ADAMTS20: variants seen among roughly 807,000 people sequenced by gnomAD.
The protein encoded by ADAMTS20 is ADAM metallopeptidase with thrombospondin type 1 motif 20, also known as A disintegrin and metalloproteinase with thrombospondin motifs 20.
A neutral mutation model predicts 260.1 loss-of-function variants in ADAMTS20; 225 were observed. That is an observed-to-expected ratio of 0.87 (90% confidence interval 0.78 to 0.97). The LOEUF (loss-of-function observed/expected upper bound fraction) is 0.97, where lower values mean the gene tolerates loss of function less well. Among genes scored for constraint, ADAMTS20 ranks in the 50% least tolerant of loss-of-function variants. The pLI is 0.00. For missense variants in ADAMTS20, 2,400 were observed against 2,337.7 expected, an observed-to-expected ratio of 1.03 and a Z score of -0.55; for synonymous variants, 802 against 769.5, an observed-to-expected ratio of 1.04 and a Z score of -0.70.
At chr12:43,425,829 T>C (rs1020151193) in intron 27 of ADAMTS20, 139 bp from the exon 28 acceptor site, 27 of 521,204 alleles carry the variant, frequency 5.2e-5, no homozygotes, top group African/African-American at 4.7e-4. Context: ...GTAATGTTAC[T>C]CTAGTAATGG....
At chr12:43,432,214 T>C (rs1941457931) in intron 21 of ADAMTS20, 90 bp downstream of exon 21, 1 of 1,326,234 alleles carries the variant, frequency 7.5e-7, no homozygotes. Flanking sequence ...GAAATAAATT[T>C]AAGCACTTTT....
Position 43,457,904 on chromosome 12 carries a change from T to C in ADAMTS20, c.1615-3852A>G, listed in dbSNP as rs552697088. Among the ~76,000 whole-genome samples, 10 of 152,350 alleles carry C rather than the reference T, an allele frequency of 6.6e-5. 1 individual carries two copies. Among genetic ancestry groups the C allele is most frequent in the African/African-American group, 1.9e-4 (8 of 41,580 alleles). On this transcript the variant is annotated intron_variant, in intron 11 of 38. Coordinates refer to ENST00000389420, the MANE Select transcript of ADAMTS20 (RefSeq NM_025003.5). The stretch of plus-strand genomic sequence containing the variant: ...ATGAATCCATTCAAATCTTTCATTA[T>C]TTTACTTTGAGTAAATATGCAGTTC...
intron 11 of ADAMTS20, among the ~76,000 whole-genome samples, chr12:43,457,729 T>G (rs1406390595): frequency 6.6e-6 from 1 of 152,232 alleles, no homozygotes; most frequent in East Asian, 1.9e-4. Context: ...TTTCATTATC[T>G]CACTACTACT....
intron 3 of ADAMTS20, among the ~76,000 whole-genome samples, chr12:43,523,527 G>A (rs1943099956): frequency 6.6e-6 from 1 of 152,134 alleles, no homozygotes; most frequent in Non-Finnish European, 1.5e-5. Context: ...ACCTGGGAGG[G>A]ATGTGGCTTG....
intron 15 of ADAMTS20, among the ~76,000 whole-genome samples, chr12:43,444,861 G>C (rs1941731807): frequency 2.0e-5 from 3 of 152,126 alleles, no homozygotes; most frequent in Admixed American, 6.5e-5. Context: ...CCTAATGTCA[G>C]ACTATCTTGC....
downstream of ADAMTS20, among the ~76,000 whole-genome samples, chr12:43,352,940 A>G (rs1939667491): frequency 1.3e-5 from 2 of 152,200 alleles, no homozygotes; most frequent in Admixed American, 6.5e-5. Flanking sequence ...AACCACATTG[A>G]AACAAAATTG....
At chr12:43,374,388 A>G (rs538008832) in intron 36 of ADAMTS20, among the ~76,000 whole-genome samples, 1 of 152,320 alleles carries the variant, frequency 6.6e-6, no homozygotes, top group African/African-American at 2.4e-5. Context: ...AGTCTCTGCT[A>G]GTGAAATGCA....
chr12:43,520,409 A>AG (rs1473431995), intron 3 of ADAMTS20, among the ~76,000 whole-genome samples: 1 of 152,198 alleles, frequency 6.6e-6, no homozygotes, highest in Non-Finnish European at 1.5e-5. Context: ...TGCTTAACTT[A>AG]GGAGATGGGA....
intron 3 of ADAMTS20, among the ~76,000 whole-genome samples, chr12:43,515,292 A>C (rs1942982863): frequency 6.6e-6 from 1 of 152,206 alleles, no homozygotes; most frequent in Admixed American, 6.5e-5. Context: ...GTATTGATAT[A>C]ATACTATTTT....
In ADAMTS20 at chr12:43,358,652, C is replaced by A. The variant is rs968077912; in HGVS notation, c.5539-2064G>T. Among the ~76,000 whole-genome samples the A allele has an allele frequency of 9.9e-5, 15 of 151,532 alleles. 1 individual carries two copies. In the South Asian group the frequency reaches 2.5e-3, roughly 25 times the overall value. On this transcript the variant is annotated intron_variant, in intron 37 of 38. Coordinates refer to ENST00000389420, the MANE Select transcript of ADAMTS20 (RefSeq NM_025003.5). The stretch of plus-strand genomic sequence containing the variant: ...AGGAGATCGAGACCATCCTGGCTAA[C>A]ACGGTGAAACCCCGTCTCTACTAAA...
intron 3 of ADAMTS20, among the ~76,000 whole-genome samples, chr12:43,519,672 G>A (rs193025016): frequency 1.4e-3 from 214 of 151,932 alleles, no homozygotes; most frequent in Non-Finnish European, 2.2e-3. Flanking sequence ...TTCTTCTCCC[G>A]GCACACCTAC....
At chr12:43,402,193 C>A (rs1428019966) in intron 28 of ADAMTS20, among the ~76,000 whole-genome samples, 1 of 151,920 alleles carries the variant, frequency 6.6e-6, no homozygotes, top group Admixed American at 6.6e-5. Flanking sequence ...TACAAAGTGG[C>A]ATGTGTAATA....
intron 4 of ADAMTS20, among the ~76,000 whole-genome samples, 181 bp downstream of exon 4, chr12:43,501,971 C>T (rs1169050497): frequency 6.6e-6 from 1 of 152,044 alleles, no homozygotes; most frequent in Non-Finnish European, 1.5e-5. Flanking sequence ...GTCCAAGTAA[C>T]AGAATAGGAT....
chr12:43,530,062 T>C (rs1221566484), intron 3 of ADAMTS20, among the ~76,000 whole-genome samples: 1 of 152,124 alleles, frequency 6.6e-6, no homozygotes, highest in African/African-American at 2.4e-5. Context: ...TTTTGTTAGA[T>C]AAATATTGTA....
intron 2 of ADAMTS20, among the ~76,000 whole-genome samples, chr12:43,538,535 G>A (rs1232200553): frequency 4.6e-5 from 7 of 152,084 alleles, no homozygotes; most frequent in Non-Finnish European, 1.0e-4. Context: ...GATCTCATTT[G>A]TCCATTTTTG....
rs747496684 is a variant in ADAMTS20, at chr12:43,420,800, C to CTTTTTTTTTTTTTTTTTTTT, written c.4284+4694_4284+4713dup. On this transcript the variant is annotated intron_variant, in intron 28 of 38. Transcript: ENST00000389420. Reference sequence around the variant, plus strand: ...TCTTCTTCTTCTCCTCCTCCTCCTTCTTTTTTTTTTTTTTTTTTTTTTTTT... The same window carrying CTTTTTTTTTTTTTTTTTTTT: ...TCTTCTTCTTCTCCTCCTCCTCCTTCTTTTTTTTTTTTTTTTTTTTTTTTTTTTTTTTTTTTTTTTTTTTT... Among the ~76,000 whole-genome samples, 193 of 55,502 alleles carry CTTTTTTTTTTTTTTTTTTTT rather than the reference C, an allele frequency of 3.5e-3. 26 individuals are homozygous for CTTTTTTTTTTTTTTTTTTTT. The highest frequency in any genetic ancestry group is 0.014 in the East Asian group (10 of 732). 36.4% of individuals were successfully genotyped at this position (55,502 alleles called of 152,430 possible). A position where few individuals can be genotyped will look rare whatever the true frequency, so the allele number is the denominator to read the frequency against.
intron 7 of ADAMTS20, among the ~76,000 whole-genome samples, chr12:43,472,529 A>G (rs1942282238): frequency 1.5e-5 from 2 of 135,566 alleles, no homozygotes; most frequent in Admixed American, 1.5e-4. Context: ...CAAGACACAT[A>G]ATTGTCAGAT....
At position 43,429,646 on chromosome 12, in the gene ADAMTS20, C is replaced by T. The variant is rs755614729; in HGVS notation, c.3460G>A (p.Ala1154Thr). The change falls in exon 24 of 39, where the codon GCA becomes ACA. Residue 1154 changes from alanine (A) to threonine (T), a missense_variant. Transcript: ENST00000389420. The stretch of plus-strand genomic sequence containing the variant: ...GTCCAAGAACCATGTCGCCATTGTG[C>T]CATCTTTTTTATGAGAACAGTTGGT... ...LLPTVLIKKMAQWRHGSWTPC... is the reference protein window; with the variant it reads ...LLPTVLIKKMTQWRHGSWTPC... 44 of 1,598,474 alleles carry T rather than the reference C, an allele frequency of 2.8e-5. No homozygotes were observed. Among genetic ancestry groups the T allele is most frequent in the Non-Finnish European group, 3.8e-5 (44 of 1,171,652 alleles).
At chr12:43,416,146 A>G (rs1941125121) in intron 28 of ADAMTS20, among the ~76,000 whole-genome samples, 1 of 152,138 alleles carries the variant, frequency 6.6e-6, no homozygotes, top group Non-Finnish European at 1.5e-5. Flanking sequence ...ATTCTACTCT[A>G]CCTACAGACA....
Sources: allele counts gnomAD v4.1 joint callset (sites outside exome capture counted in the v4.1 genomes callset), GRCh38; gene constraint gnomAD v4.1.1; transcripts MANE v1.5; gene names NCBI Gene and HGNC (gene_info 2026-07-23, HGNC 2026-07-21).